Variants in KCNIP4 observed in about 807,000 individuals in gnomAD.
KCNIP4 encodes potassium voltage-gated channel interacting protein 4.
A neutral mutation model predicts 34.0 loss-of-function variants in KCNIP4; 12 were observed. The observed-to-expected ratio is 0.35, with a 90% confidence interval of 0.23 to 0.57. The LOEUF is 0.57. Among genes scored for constraint, KCNIP4 ranks in the 20% least tolerant of loss-of-function variants. The pLI is 0.83. For synonymous variants in KCNIP4, 124 were observed against 102.2 expected, an observed-to-expected ratio of 1.21 and a Z score of -1.29; for missense variants, 238 against 311.7, an observed-to-expected ratio of 0.76 and a Z score of 1.78.
intron 1 of KCNIP4, among the ~76,000 whole-genome samples, chr4:21,624,862 A>G (rs1429359876): frequency 6.6e-6 from 1 of 152,130 alleles, no homozygotes; most frequent in East Asian, 1.9e-4. Flanking sequence ...AAGACTCTTA[A>G]CAGGTAAATG....
At chr4:21,782,272 A>G (rs1719621080) in intron 1 of KCNIP4, among the ~76,000 whole-genome samples, 1 of 152,012 alleles carries the variant, frequency 6.6e-6, no homozygotes. Context: ...ATGCCATACA[A>G]ACAATGATCA....
At chr4:21,248,928 G>A (rs535248126) in intron 1 of KCNIP4, among the ~76,000 whole-genome samples, 25 of 152,122 alleles carry the variant, frequency 1.6e-4, no homozygotes, top group Non-Finnish European at 2.2e-4. Context: ...CAGTGCTTTC[G>A]CTGTTGTATC....
chr4:20,993,799 T>C (rs1737299433), intron 1 of KCNIP4, among the ~76,000 whole-genome samples: 1 of 152,230 alleles, frequency 6.6e-6, no homozygotes, highest in Admixed American at 6.5e-5. Context: ...ATGTTACGGT[T>C]CTGGAAGTCA....
intron 1 of KCNIP4, among the ~76,000 whole-genome samples, chr4:20,945,250 G>C (rs1732072162): frequency 6.6e-6 from 1 of 152,202 alleles, no homozygotes. Context: ...ACACACTGAA[G>C]TTTGCAAAGT....
chr4:21,057,813 T>A (rs1032820416), intron 1 of KCNIP4, among the ~76,000 whole-genome samples: 4 of 152,230 alleles, frequency 2.6e-5, no homozygotes, highest in Non-Finnish European at 5.9e-5. Context: ...AGAATTGTAA[T>A]GATAATGATG....
intron 1 of KCNIP4, among the ~76,000 whole-genome samples, chr4:21,054,424 C>A (rs967929456): frequency 2.7e-5 from 4 of 150,546 alleles, no homozygotes; most frequent in African/African-American, 4.9e-5. Flanking sequence ...GAGGCTGAGA[C>A]AAGAGAATCG....
chr4:21,122,113 G>A (rs1479058441), intron 1 of KCNIP4, among the ~76,000 whole-genome samples: 1 of 151,912 alleles, frequency 6.6e-6, no homozygotes, highest in Non-Finnish European at 1.5e-5. Flanking sequence ...TTCTCTTGTA[G>A]GAATCATTTC....
chr4:21,647,869 T>C (rs1410755821), intron 1 of KCNIP4, among the ~76,000 whole-genome samples: 4 of 131,748 alleles, frequency 3.0e-5, no homozygotes, highest in African/African-American at 9.0e-5. Flanking sequence ...GATGCTTTTT[T>C]TTTTTTTTTT....
intron 1 of KCNIP4, among the ~76,000 whole-genome samples, chr4:21,757,181 AGGAAGGAAGGAAGG>A (rs1560691383): frequency 3.0e-5 from 1 of 33,800 alleles, no homozygotes; most frequent in Non-Finnish European, 5.7e-5. Context: ...GAAGGAAGGA[AGGAAGGAAGGAAGG>A]AAGGAAAGAA....
In KCNIP4 at chr4:21,948,759, T is replaced by TCGG; in HGVS notation, c.-131_-129dup. ...GTCCGTGGCGCTGGGAGCGAGAGCT[T>TCGG]CGGCGGCGGCTGCGGGCAGGGCGCG... is the stretch of plus-strand genomic sequence containing the variant. On this transcript the variant is annotated 5_prime_UTR_variant, in exon 1 of 9. Coordinates refer to ENST00000382152, the MANE Select transcript of KCNIP4 (RefSeq NM_025221.6). 1 of 1,177,658 alleles carries TCGG rather than the reference T, an allele frequency of 8.5e-7. No individual in the cohort carries two copies. The highest frequency in any genetic ancestry group is 1.1e-6 in the Non-Finnish European group (1 of 942,538). The allele number at this position is 1,177,658 out of a possible 1,614,324, so 73.0% of individuals were successfully genotyped here.
chr4:20,813,361 A>G (rs1264756494), intron 3 of KCNIP4, among the ~76,000 whole-genome samples: 1 of 152,170 alleles, frequency 6.6e-6, no homozygotes, highest in Non-Finnish European at 1.5e-5. Context: ...ATCAACCCAA[A>G]GTCAAAGGCA....
intron 1 of KCNIP4, chr4:21,852,675 A>G (rs1240658340): frequency 6.6e-6 from 1 of 152,212 alleles, no homozygotes; most frequent in Admixed American, 6.5e-5. Context: ...GAGTCACATC[A>G]GTAACTCAGC....
At chr4:21,918,631 C>A (rs1462048998) in intron 1 of KCNIP4, among the ~76,000 whole-genome samples, 1 of 152,094 alleles carries the variant, frequency 6.6e-6, no homozygotes, top group Non-Finnish European at 1.5e-5. Flanking sequence ...GAGTAAGATG[C>A]CTGCCAGCAA....
chr4:21,614,702 T>C (rs997925234), intron 1 of KCNIP4, among the ~76,000 whole-genome samples: 1 of 151,406 alleles, frequency 6.6e-6, no homozygotes, highest in Non-Finnish European at 1.5e-5. Flanking sequence ...TATTTATGGC[T>C]TATATATGTA....
chr4:21,481,479 G>A (rs1329905129), intron 1 of KCNIP4, among the ~76,000 whole-genome samples: 1 of 152,162 alleles, frequency 6.6e-6, no homozygotes, highest in Non-Finnish European at 1.5e-5. Flanking sequence ...ATTCTGAAGG[G>A]TCATAGTGGC....
intron 3 of KCNIP4, among the ~76,000 whole-genome samples, chr4:20,769,443 GAC>G (rs1202930720): frequency 6.6e-6 from 1 of 152,046 alleles, no homozygotes; most frequent in Non-Finnish European, 1.5e-5. Context: ...TTATCCAGAA[GAC>G]AGTGTCCATT....
intron 3 of KCNIP4, among the ~76,000 whole-genome samples, chr4:20,779,434 G>C (rs1756653971): frequency 6.6e-6 from 1 of 152,014 alleles, no homozygotes; most frequent in South Asian, 2.1e-4. Flanking sequence ...TAATAGAGAA[G>C]TGGAAGACAA....
At chr4:21,393,392 C>T (rs566773101) in intron 1 of KCNIP4, among the ~76,000 whole-genome samples, 2 of 151,906 alleles carry the variant, frequency 1.3e-5, no homozygotes, top group Admixed American at 6.6e-5. Flanking sequence ...GAAAATTTGA[C>T]AGTAGGGAAG....
intron 3 of KCNIP4, among the ~76,000 whole-genome samples, chr4:20,766,646 T>C (rs1156612282): frequency 6.6e-6 from 1 of 152,118 alleles, no homozygotes; most frequent in African/African-American, 2.4e-5. Flanking sequence ...GGTGAGGGGA[T>C]AGAGATTAAG....
Sources: allele counts gnomAD v4.1 joint callset (sites outside exome capture counted in the v4.1 genomes callset), GRCh38; gene constraint gnomAD v4.1.1; transcripts MANE v1.5; gene names NCBI Gene and HGNC (gene_info 2026-07-23, HGNC 2026-07-21).